PDE1A: variants seen among roughly 807,000 people sequenced by gnomAD.
The protein encoded by PDE1A is dual specificity calcium/calmodulin-dependent 3',5'-cyclic nucleotide phosphodiesterase 1A.
In PDE1A, 35 loss-of-function variants were observed where a neutral mutation model predicts 61.7. That is an observed-to-expected ratio of 0.57 (90% confidence interval 0.43 to 0.75). PDE1A has a LOEUF of 0.75. PDE1A is among the 30% of genes least tolerant of loss of function. The pLI, the probability that PDE1A is intolerant of heterozygous loss-of-function variation, is 0.00. For missense variants in PDE1A, 597 were observed against 630.6 expected, an observed-to-expected ratio of 0.95 and a Z score of 0.57; for synonymous variants, 232 against 213.2, an observed-to-expected ratio of 1.09 and a Z score of -0.77.
At chr2:182,464,923 T>A (rs1271580060) in intron 2 of PDE1A, among the ~76,000 whole-genome samples, 1 of 152,114 alleles carries the variant, frequency 6.6e-6, no homozygotes, top group African/African-American at 2.4e-5. Flanking sequence ...TACTGATACA[T>A]GATGAACACT....
At chr2:182,299,259 T>A (rs1695080283) in intron 1 of PDE1A, among the ~76,000 whole-genome samples, 1 of 151,536 alleles carries the variant, frequency 6.6e-6, no homozygotes, top group Non-Finnish European at 1.5e-5. Flanking sequence ...ACAGTGGACA[T>A]AATATGTCCA....
chr2:182,360,986 T>A (rs1214572340), intron 1 of PDE1A, among the ~76,000 whole-genome samples: 2 of 152,100 alleles, frequency 1.3e-5, no homozygotes, highest in Non-Finnish European at 2.9e-5. Context: ...TTCTTCTAGA[T>A]ACATTATTAG....
the PDE1A span, among the ~76,000 whole-genome samples, chr2:182,555,292 G>A: frequency 2.0e-5 from 3 of 152,104 alleles, no homozygotes; most frequent in Admixed American, 1.3e-4. Context: ...ACACATTGTC[G>A]GTGAATGTTT....
chr2:182,239,025 T>C (rs1354830993), intron 3 of PDE1A, among the ~76,000 whole-genome samples: 1 of 152,224 alleles, frequency 6.6e-6, no homozygotes, highest in Non-Finnish European at 1.5e-5. Context: ...ACTATTTAGA[T>C]ATTTTTAATT....
the PDE1A span, among the ~76,000 whole-genome samples, chr2:182,590,199 C>T: frequency 4.6e-5 from 7 of 152,138 alleles, no homozygotes; most frequent in South Asian, 4.1e-4. Flanking sequence ...GGCATGGTGG[C>T]TCATGCCTAT....
the PDE1A span, among the ~76,000 whole-genome samples, chr2:182,554,559 T>A: frequency 6.6e-6 from 1 of 152,162 alleles, no homozygotes; most frequent in African/African-American, 2.4e-5. Flanking sequence ...TAGATTTGAG[T>A]TCCTATTTCA....
the PDE1A span, among the ~76,000 whole-genome samples, chr2:182,579,455 A>G: frequency 6.6e-6 from 1 of 152,214 alleles, no homozygotes; most frequent in East Asian, 1.9e-4. Context: ...GCCCTTAAGT[A>G]GCTCATAGCA....
intron 1 of PDE1A, among the ~76,000 whole-genome samples, chr2:182,294,259 G>A (rs770399168): frequency 2.0e-5 from 3 of 152,168 alleles, no homozygotes; most frequent in African/African-American, 7.2e-5. Context: ...AAGTAAACGT[G>A]ATAAATGTAA....
At chr2:182,637,593 G>C in the PDE1A span, among the ~76,000 whole-genome samples, 1 of 152,114 alleles carries the variant, frequency 6.6e-6, no homozygotes, top group Admixed American at 6.6e-5. Context: ...ATAGGAGCCT[G>C]AATTTTCTTA....
At chr2:182,295,829 ATGT>A (rs1694846915) in intron 1 of PDE1A, among the ~76,000 whole-genome samples, 1 of 152,210 alleles carries the variant, frequency 6.6e-6, no homozygotes, top group African/African-American at 2.4e-5. Flanking sequence ...AGAAACCTGG[ATGT>A]TGTTAACTAT....
chr2:182,622,429 G>A, the PDE1A span, among the ~76,000 whole-genome samples: 39 of 152,294 alleles, frequency 2.6e-4, no homozygotes, highest in African/African-American at 8.9e-4. Context: ...AAGGAAAACT[G>A]TGCAGTGATA....
At chr2:182,409,696 T>C (rs1057400643) in intron 1 of PDE1A, among the ~76,000 whole-genome samples, 4 of 152,198 alleles carry the variant, frequency 2.6e-5, no homozygotes, top group Admixed American at 6.5e-5. Context: ...GGGTATACCA[T>C]AGGCATAAGG....
chr2:182,462,779 GAATA>G (rs1431987718), intron 2 of PDE1A, among the ~76,000 whole-genome samples: 2 of 151,916 alleles, frequency 1.3e-5, no homozygotes, highest in Non-Finnish European at 2.9e-5. Flanking sequence ...TAAAAATTCA[GAATA>G]AAAATATCAA....
At chr2:182,455,370 C>G (rs1332351823) in intron 2 of PDE1A, among the ~76,000 whole-genome samples, 3 of 152,034 alleles carry the variant, frequency 2.0e-5, no homozygotes, top group Non-Finnish European at 4.4e-5. Context: ...GGATCTAGAA[C>G]TAGAAATACC....
chr2:182,653,583 A>G, the PDE1A span, among the ~76,000 whole-genome samples: 2 of 152,196 alleles, frequency 1.3e-5, no homozygotes, highest in Non-Finnish European at 2.9e-5. Flanking sequence ...AAACCCCGTT[A>G]TCAAGGAAGG....
Position 182,442,225 on chromosome 2 carries a change from A to T in PDE1A, c.101+80051T>A, listed in dbSNP as rs532615508. On this transcript the variant is annotated intron_variant, in intron 2 of 14. Transcript: ENST00000410103. ...ATTTTTGTAGAAATAAAAATTTCTA[A>T]TTCTTTTCTTGGAAATACCAAACAT... Among the ~76,000 whole-genome samples, 228 of 152,184 alleles carry T rather than the reference A, an allele frequency of 1.5e-3. 2 individuals carry two copies. The highest frequency in any genetic ancestry group is 5.4e-3 in the African/African-American group (223 of 41,552).
At chr2:182,664,548 G>A in the PDE1A span, among the ~76,000 whole-genome samples, 77 of 152,224 alleles carry the variant, frequency 5.1e-4, no homozygotes, top group East Asian at 0.014. Context: ...ATACAAATGT[G>A]ATTAAAATAA....
At chr2:182,143,277 T>C (rs923157484), downstream of PDE1A, among the ~76,000 whole-genome samples, 1 of 151,146 alleles carries the variant, frequency 6.6e-6, no homozygotes, top group African/African-American at 2.4e-5. Flanking sequence ...GTAATGAATA[T>C]GTTAATCAGC....
chr2:182,628,122 CAACT>C, the PDE1A span, among the ~76,000 whole-genome samples: 153 of 152,088 alleles, frequency 1.0e-3, no homozygotes, highest in African/African-American at 2.9e-3. Context: ...GACCTAGAAG[CAACT>C]AACTGACTTC....
Sources: gnomAD v4.1 joint callset for allele counts (sites outside exome capture counted in the v4.1 genomes callset) on GRCh38, gnomAD v4.1.1 for gene constraint, MANE v1.5 for transcripts, NCBI Gene and HGNC (gene_info 2026-07-23, HGNC 2026-07-21) for gene names.